The following CFAP20DC variants were observed in gnomAD, a reference collection of about 807,000 sequenced individuals.
CFAP20DC encodes the protein protein CFAP20DC.
Under a neutral mutation model 101.7 loss-of-function variants are expected in CFAP20DC, and 84 were observed. That is an observed-to-expected ratio of 0.83 (90% confidence interval 0.69 to 0.99). The LOEUF is 0.99. Among genes scored for constraint, CFAP20DC ranks in the 50% least tolerant of loss-of-function variants. CFAP20DC has a pLI of 0.00. For synonymous variants in CFAP20DC, 359 were observed against 351.2 expected, an observed-to-expected ratio of 1.02 and a Z score of -0.25; for missense variants, 1,007 against 970.3, an observed-to-expected ratio of 1.04 and a Z score of -0.50.
intron 1 of CFAP20DC, 130 bp downstream of exon 1, chr3:59,049,481 A>G (rs972955350): frequency 4.2e-5 from 37 of 884,026 alleles, no homozygotes; most frequent in Middle Eastern, 4.2e-4. Flanking sequence ...TTCACCCATT[A>G]ATTCTGTCTT....
chr3:58,723,579 AT>A (rs764002129), intron 3 of CFAP20DC, among the ~76,000 whole-genome samples: 6 of 152,188 alleles, frequency 3.9e-5, no homozygotes, highest in Non-Finnish European at 7.3e-5. Flanking sequence ...ATAAGCAGCA[AT>A]TTATTATATG....
intron 14 of CFAP20DC, among the ~76,000 whole-genome samples, chr3:58,816,695 T>C (rs2075188022): frequency 6.6e-6 from 1 of 151,964 alleles, no homozygotes; most frequent in African/African-American, 2.4e-5. Context: ...AACTGCAAGG[T>C]GGAAGCGAGG....
chr3:58,895,592 T>G (rs2082602266), intron 6 of CFAP20DC, among the ~76,000 whole-genome samples: 1 of 152,262 alleles, frequency 6.6e-6, no homozygotes, highest in Admixed American at 6.5e-5. Context: ...TTCTAAACTT[T>G]CCCACATTTT....
At chr3:58,910,429 T>C (rs2084034467) in intron 6 of CFAP20DC, among the ~76,000 whole-genome samples, 1 of 152,146 alleles carries the variant, frequency 6.6e-6, no homozygotes. Flanking sequence ...CTTTTAAAGG[T>C]AGTTTCAAGG....
intron 15 of CFAP20DC, among the ~76,000 whole-genome samples, chr3:58,792,221 T>C (rs554297813): frequency 6.6e-6 from 1 of 152,272 alleles, no homozygotes; most frequent in East Asian, 1.9e-4. Flanking sequence ...ATATGTAAAA[T>C]ATAACTTGAA....
In CFAP20DC at chr3:59,003,456, ATTATAT is replaced by A. The variant is rs1391108863; in HGVS notation, c.278+36095_278+36100del. Among the ~76,000 whole-genome samples the A allele has an allele frequency of 2.6e-5, 4 of 152,322 alleles. No individual in the cohort carries two copies. The East Asian group carries it at 7.7e-4, about 29-fold the overall frequency. Reference sequence around the variant, plus strand: ...AGCTAAAGACTGCTTTTATAGTTGGATTATATTTATAGTACTATTCATTACCTTTCT... The same window carrying A: ...AGCTAAAGACTGCTTTTATAGTTGGATTATAGTACTATTCATTACCTTTCT... On this transcript the variant is annotated intron_variant, in intron 4 of 16. Transcript: ENST00000482387.
In CFAP20DC at chr3:58,868,403, AATAATC is replaced by A. The variant is rs1310593922; in HGVS notation, c.1016-473_1016-468del. ...AAGTACGATTTAATTTAGCAATAATAATAATCATAGCAGCATTTAACATTTCCTGAA... is the reference window on the plus strand; with the variant it reads ...AAGTACGATTTAATTTAGCAATAATAATAGCAGCATTTAACATTTCCTGAA... On this transcript the variant is annotated intron_variant, in intron 9 of 16. Transcript: ENST00000482387. The surrounding 1 kb of genome is among the most constrained non-coding windows in gnomAD (Gnocchi z 4.6). Among the ~76,000 whole-genome samples, 5 of 152,182 alleles carry A rather than the reference AATAATC, an allele frequency of 3.3e-5. No homozygotes were observed. Among genetic ancestry groups the A allele is most frequent in the African/African-American group, 1.2e-4 (5 of 41,462 alleles).
chr3:58,754,401 C>T lies in CFAP20DC; in HGVS notation c.2238-538G>A, dbSNP rs113193412. ...GTGAGGGCATTTCCCCATCTCTTTA[C>T]TTTCCTTCCTACTGCACTCTTCCCC... On this transcript the variant is annotated intron_variant, in intron 15 of 16. Coordinates refer to ENST00000482387, the MANE Select transcript of CFAP20DC (RefSeq NM_001394063.1). Among the ~76,000 whole-genome samples the T allele has an allele frequency of 5.4e-3, 822 of 152,222 alleles. 2 individuals are homozygous for T. The highest frequency in any genetic ancestry group is 0.027 in the Middle Eastern group (8 of 294).
intron 16 of CFAP20DC, among the ~76,000 whole-genome samples, chr3:58,743,946 A>G (rs984975520): frequency 1.3e-5 from 2 of 152,180 alleles, no homozygotes; most frequent in Non-Finnish European, 2.9e-5. Flanking sequence ...CCGGACACTG[A>G]GTTAGGTGTT....
At chr3:59,018,077 G>A (rs1316958018) in intron 4 of CFAP20DC, 2 of 152,024 alleles carry the variant, frequency 1.3e-5, no homozygotes, top group African/African-American at 2.4e-5. Context: ...CCACTCCAGG[G>A]GCTAGAGTGT....
intron 7 of CFAP20DC, among the ~76,000 whole-genome samples, chr3:58,872,216 C>A (rs2080285783): frequency 6.6e-6 from 1 of 152,170 alleles, no homozygotes; most frequent in Non-Finnish European, 1.5e-5. Flanking sequence ...AGTAAGTCCA[C>A]ATTTGCCCAC....
At chr3:59,012,024 C>T (rs769601038) in intron 4 of CFAP20DC, among the ~76,000 whole-genome samples, 10 of 152,262 alleles carry the variant, frequency 6.6e-5, no homozygotes, top group Non-Finnish European at 1.5e-4. Flanking sequence ...CTTGCTAAGA[C>T]ACTGGCGCTT....
At chr3:58,807,148 AC>A (rs1164780470) in intron 14 of CFAP20DC, among the ~76,000 whole-genome samples, 1 of 152,200 alleles carries the variant, frequency 6.6e-6, no homozygotes, top group African/African-American at 2.4e-5. Flanking sequence ...CGGGGCACAG[AC>A]AAAAAGACAG....
At position 58,771,154 on chromosome 3, in the gene CFAP20DC, C is replaced by T. The variant is rs1333706628; in HGVS notation, c.2238-17291G>A. Among the ~76,000 whole-genome samples the T allele has an allele frequency of 3.3e-5, 5 of 151,790 alleles. No individual in the cohort carries two copies. The South Asian group carries it at 6.2e-4, about 19-fold the overall frequency. On this transcript the variant is annotated intron_variant, in intron 15 of 16. Transcript: ENST00000482387. ...TTCTCAGCAAACTATCACAAGATCA[C>T]GAACCAAACACTGCGTGTTCTCACT... is the stretch of plus-strand genomic sequence containing the variant.
At chr3:58,974,093 A>G (rs2092123102) in intron 4 of CFAP20DC, among the ~76,000 whole-genome samples, 2 of 152,076 alleles carry the variant, frequency 1.3e-5, no homozygotes, top group Non-Finnish European at 2.9e-5. Flanking sequence ...ACAGATCTAG[A>G]GGGGTGGAAG....
chr3:58,988,388 G>A (rs2092821754), intron 4 of CFAP20DC, among the ~76,000 whole-genome samples: 1 of 152,128 alleles, frequency 6.6e-6, no homozygotes, highest in Non-Finnish European at 1.5e-5. Flanking sequence ...AACTTAACAT[G>A]TAAAAGATTA....
chr3:59,003,251 G>T (rs1291664670), intron 4 of CFAP20DC, among the ~76,000 whole-genome samples: 3 of 152,110 alleles, frequency 2.0e-5, no homozygotes, highest in Non-Finnish European at 4.4e-5. Context: ...TAGAATGGGT[G>T]GATGGAGGGA....
At chr3:58,871,444 C>G (rs1293965765) in intron 7 of CFAP20DC, among the ~76,000 whole-genome samples, 1 of 152,114 alleles carries the variant, frequency 6.6e-6, no homozygotes, top group African/African-American at 2.4e-5. Flanking sequence ...CCAAATCCTG[C>G]TGCCTTCCCT....
At chr3:58,876,587 C>G (rs2080771847) in intron 7 of CFAP20DC, among the ~76,000 whole-genome samples, 1 of 151,770 alleles carries the variant, frequency 6.6e-6, no homozygotes, top group Admixed American at 6.6e-5. Context: ...TAATTATTTT[C>G]CTATTTTACT....
Sources: gnomAD v4.1 joint callset for allele counts (sites outside exome capture counted in the v4.1 genomes callset) on GRCh38, gnomAD v4.1.1 for gene constraint, Gnocchi (gnomAD v3.1) non-coding constraint, MANE v1.5 for transcripts, NCBI Gene and HGNC (gene_info 2026-07-23, HGNC 2026-07-21) for gene names.